The following IRS1 variants were observed in gnomAD, a reference collection of about 807,000 sequenced individuals.
The protein encoded by IRS1 is insulin receptor substrate 1.
IRS1 carries 34 observed loss-of-function variants against 65.6 expected under a neutral mutation model. The ratio of observed to expected loss-of-function variants is 0.52; its 90% CI spans 0.39 to 0.69. The LOEUF (loss-of-function observed/expected upper bound fraction) is 0.69. Ranked by LOEUF, IRS1 falls within the 30% of genes least tolerant of loss-of-function variation. IRS1 has a pLI of 0.00. For synonymous variants in IRS1, 699 were observed against 683.5 expected (o/e 1.02, Z -0.35); for missense variants, 1,641 against 1,720.2 (o/e 0.95, Z 0.81).
intron 1 of IRS1, among the ~76,000 whole-genome samples, chr2:226,745,847 GAATC>G (rs1938530734): frequency 6.6e-6 from 1 of 152,200 alleles, no homozygotes; most frequent in African/African-American, 2.4e-5. Context: ...GGCAAGGACT[GAATC>G]AGAAGCCAAA....
At chr2:226,774,799 T>A (rs1024752953) in intron 1 of IRS1, among the ~76,000 whole-genome samples, 1 of 152,204 alleles carries the variant, frequency 6.6e-6, no homozygotes, top group Admixed American at 6.5e-5. Context: ...TGTGGATGAA[T>A]CTTAACTGCA....
In IRS1 at chr2:226,795,555, C is replaced by A; in HGVS notation, c.3184G>T (p.Gly1062Cys). The change falls in exon 1 of 2, where the codon GGC (glycine) becomes TGC (cysteine). Residue 1062 changes from glycine to cysteine, a missense_variant. Physicochemically the swap from Gly to Cys is radical, Grantham distance 159. Coordinates refer to ENST00000305123, the MANE Select transcript of IRS1 (RefSeq NM_005544.3). ...CTCATGCCCCCAGGTCCTTGTGGGCCCCCCAGCAGGGACGAGTGGGCAGCC... is the reference window on the plus strand; with the variant it reads ...CTCATGCCCCCAGGTCCTTGTGGGCACCCCAGCAGGGACGAGTGGGCAGCC... ...ELAAHSSLLGGPQGPGGMSAF... is the reference protein window; with the variant it reads ...ELAAHSSLLGCPQGPGGMSAF... 1 of 1,613,126 alleles carries A rather than the reference C, an allele frequency of 6.2e-7. No homozygotes were observed. Among genetic ancestry groups the A allele is most frequent in the Middle Eastern group, 1.6e-4 (1 of 6,062 alleles).
At chr2:226,763,514 T>C (rs979287839) in intron 1 of IRS1, among the ~76,000 whole-genome samples, 4 of 152,182 alleles carry the variant, frequency 2.6e-5, no homozygotes, top group African/African-American at 9.6e-5. Context: ...TCCAGGGAGC[T>C]TGAATTTCAA....
chr2:226,749,263 G>A (rs1938623472), intron 1 of IRS1, among the ~76,000 whole-genome samples: 1 of 152,124 alleles, frequency 6.6e-6, no homozygotes, highest in Non-Finnish European at 1.5e-5. Flanking sequence ...CTGTAACAAT[G>A]TAAGCAAGAG....
intron 1 of IRS1, among the ~76,000 whole-genome samples, chr2:226,771,566 T>C (rs1939165627): frequency 6.6e-6 from 1 of 152,146 alleles, no homozygotes; most frequent in Admixed American, 6.5e-5. Flanking sequence ...GCATGGATTA[T>C]GTAAATTGTT....
intron 1 of IRS1, among the ~76,000 whole-genome samples, chr2:226,737,868 G>A (rs769502954): frequency 1.3e-5 from 2 of 152,150 alleles, no homozygotes; most frequent in Non-Finnish European, 1.5e-5. Context: ...TTGCCACGTG[G>A]TAGTACTTAA....
chr2:226,768,838 T>C (rs1939107598), intron 1 of IRS1, among the ~76,000 whole-genome samples: 2 of 152,170 alleles, frequency 1.3e-5, no homozygotes, highest in South Asian at 4.1e-4. Flanking sequence ...GGTTTCACCA[T>C]GTTGGTCAGG....
At chr2:226,755,969 T>G (rs1938792865) in intron 1 of IRS1, among the ~76,000 whole-genome samples, 1 of 152,230 alleles carries the variant, frequency 6.6e-6, no homozygotes, top group Admixed American at 6.5e-5. Context: ...ATTCAAGAGA[T>G]AAGCAGTTGG....
rs750968532 is a variant in IRS1, at chr2:226,795,657, T to G, written c.3082A>C (p.Arg1028=). ...GIAAEEVSLP[R]ATMAAASSSS... is the part of the protein sequence containing the mutation. ...GAGGAGGCAGCAGCCATGGTGGCCC[T>G]GGGCAGGCTCACCTCCTCTGCAGCA... The change falls in exon 1 of 2, where the codon AGG becomes CGG. Residue 1028 remains arginine (R), a synonymous_variant. Transcript: ENST00000305123. 4.5e-5 allele frequency: 72 copies of G among 1,612,914 alleles called. No homozygotes were observed. The highest frequency in any genetic ancestry group is 5.7e-5 in the Non-Finnish European group (67 of 1,179,942).
intron 1 of IRS1, among the ~76,000 whole-genome samples, chr2:226,774,209 T>C (rs1384985595): frequency 6.6e-6 from 1 of 152,212 alleles, no homozygotes; most frequent in African/African-American, 2.4e-5. Flanking sequence ...ATGTCTATAC[T>C]GAATCAAAAT....
At chr2:226,744,261 T>A (rs1938495568) in intron 1 of IRS1, among the ~76,000 whole-genome samples, 1 of 152,206 alleles carries the variant, frequency 6.6e-6, no homozygotes, top group Non-Finnish European at 1.5e-5. Context: ...TGGGTTGTGG[T>A]TCACTTTATG....
At position 226,797,289 on chromosome 2, in the gene IRS1, T is replaced by C. The variant is rs1488737353; in HGVS notation, c.1450A>G (p.Ile484Val). Residue 484 changes from isoleucine (I) to valine (V), a missense_variant, in exon 1 of 2, where the codon ATT becomes GTT. By Grantham distance (29) the Ile-to-Val change is conservative. Around this residue, in one of 3 missense-constraint regions of IRS1, gnomAD observed 1,324 missense variants for 1,361.0 expected, o/e 0.97. Transcript: ENST00000305123. The surrounding 1 kb of genome is among the most constrained non-coding windows in gnomAD (Gnocchi z 8.1). Reference protein sequence around the residue: ...STLTAPNGHYILSRGGNGHRC... With the variant: ...STLTAPNGHYVLSRGGNGHRC... ...TGGCCATTGCCACCCCGAGACAAAA[T>C]GTAGTGACCGTTGGGGGCGGTCAGG... 3.7e-6 allele frequency: 6 copies of C among 1,613,078 alleles called. No individual in the cohort carries two copies. The highest frequency in any genetic ancestry group is 1.7e-5 in the Admixed American group (1 of 59,986).
chr2:226,776,526 C>T (rs1024309395), intron 1 of IRS1, among the ~76,000 whole-genome samples: 1 of 152,232 alleles, frequency 6.6e-6, no homozygotes, highest in African/African-American at 2.4e-5. Context: ...AGGTCAACAT[C>T]GACCTTGAGA....
rs1475740537 is a variant in IRS1, at chr2:226,798,280, G to A, written c.459C>T (p.Asp153=). ...CTTTGAATGCGGGTCCTGGGGGCACGTCACCGTAGCTCAAGTCCTCCCCAG... is the reference window on the plus strand; with the variant it reads ...CTTTGAATGCGGGTCCTGGGGGCACATCACCGTAGCTCAAGTCCTCCCCAG... ...GEAGEDLSYG[D]VPPGPAFKEV... Residue 153 remains aspartate, a synonymous_variant, in exon 1 of 2, where the codon GAC becomes GAT. Transcript: ENST00000305123. The surrounding 1 kb of genome is among the most constrained non-coding windows in gnomAD (Gnocchi z 9.4). 2.5e-6 allele frequency: 4 copies of A among 1,612,924 alleles called. No individual in the cohort carries two copies. Among genetic ancestry groups the A allele is most frequent in the African/African-American group, 2.7e-5 (2 of 74,928 alleles).
rs866242029 is a variant in IRS1 at position 226,797,690 on chromosome 2, C to T, written c.1049G>A (p.Ser350Asn). The T allele has an allele frequency of 2.5e-6, 4 of 1,597,656 alleles. No homozygotes were observed. The highest frequency in any genetic ancestry group is 3.3e-5 in the Admixed American group (2 of 59,746). ...CCGGTGGGCGTGGGTTCTGTTGGTG[C>T]TGGGACTCACAGGGCTGCCGTCCAC... ...ASVDGSPVSP[S>N]TNRTHAHRHR... Residue 350 changes from serine (S) to asparagine (N), a missense_variant, in exon 1 of 2, where the codon AGC (serine) becomes AAC (asparagine). Physicochemically the swap from Ser to Asn is conservative, Grantham distance 46. Coordinates refer to ENST00000305123, the MANE Select transcript of IRS1 (RefSeq NM_005544.3). This position sits in a 1 kb window ranked among gnomAD's most constrained non-coding sequence, Gnocchi z 8.1.
chr2:226,765,953 ATTC>A (rs1351681793), intron 1 of IRS1, among the ~76,000 whole-genome samples: 1 of 150,752 alleles, frequency 6.6e-6, no homozygotes, highest in Non-Finnish European at 1.5e-5. Flanking sequence ...CTACTAGAAA[ATTC>A]TTAAATGAAC....
chr2:226,782,144 G>A (rs1463432850), intron 1 of IRS1, among the ~76,000 whole-genome samples: 1 of 151,918 alleles, frequency 6.6e-6, no homozygotes, highest in Non-Finnish European at 1.5e-5. Flanking sequence ...AGTAAGGGTG[G>A]GTTAGGGGGG....
chr2:226,764,549 A>G (rs991418474), intron 1 of IRS1, among the ~76,000 whole-genome samples: 1 of 152,204 alleles, frequency 6.6e-6, no homozygotes, highest in African/African-American at 2.4e-5. Flanking sequence ...TTTCAAAAAA[A>G]GAAAATCTAT....
chr2:226,756,433 G>A (rs535984744), intron 1 of IRS1, among the ~76,000 whole-genome samples: 3 of 152,246 alleles, frequency 2.0e-5, no homozygotes, highest in Non-Finnish European at 4.4e-5. Flanking sequence ...CAAAGAACTG[G>A]CTCTGGTGTT....
Sources: allele counts gnomAD v4.1 joint callset (sites outside exome capture counted in the v4.1 genomes callset), GRCh38; gene constraint gnomAD v4.1.1; regional missense constraint gnomAD v4.1.1; non-coding constraint Gnocchi (gnomAD v3.1); transcripts MANE v1.5; gene names NCBI Gene and HGNC (gene_info 2026-07-23, HGNC 2026-07-21).